ZNF609: variants seen among roughly 807,000 people sequenced by gnomAD.
ZNF609 encodes zinc finger protein 609.
A neutral mutation model predicts 109.5 loss-of-function variants in ZNF609; 11 were observed. The ratio of observed to expected loss-of-function variants is 0.10; its 90% CI spans 0.06 to 0.17. The LOEUF (loss-of-function observed/expected upper bound fraction) is 0.17, where lower values mean the gene tolerates loss of function less well. Ranked by LOEUF, ZNF609 falls within the 10% of genes least tolerant of loss-of-function variation. The probability of loss-of-function intolerance (pLI) is 1.00; values close to 1 mark genes in which losing one functional copy is unlikely to be tolerated. For missense variants in ZNF609, 1,559 were observed against 1,772.4 expected (o/e 0.88, Z 2.16); for synonymous variants, 646 against 662.0 (o/e 0.98, Z 0.37).
chr15:64,465,403 C>T (rs1375332723), intron 1 of ZNF609, among the ~76,000 whole-genome samples: 4 of 152,008 alleles, frequency 2.6e-5, no homozygotes, highest in South Asian at 2.1e-4. Flanking sequence ...TTTTTTGAGA[C>T]GGAGTTTCGC....
At chr15:64,593,193 A>G (rs1341100783) in intron 2 of ZNF609, 2 of 1,529,230 alleles carry the variant, frequency 1.3e-6, no homozygotes, top group Non-Finnish European at 1.8e-6. Context: ...GTGAAGCTGC[A>G]TTACTGTGTG....
At chr15:64,551,985 CAAAAA>C (rs35698512) in intron 2 of ZNF609, among the ~76,000 whole-genome samples, 1 of 93,424 alleles carries the variant, frequency 1.1e-5, no homozygotes. Context: ...GACTCTGTCT[CAAAAA>C]AAAAAAAAAA....
chr15:64,550,645 G>A (rs1406844895), intron 2 of ZNF609, among the ~76,000 whole-genome samples: 1 of 152,030 alleles, frequency 6.6e-6, no homozygotes, highest in East Asian at 1.9e-4. Context: ...TCACCAGCCT[G>A]ACCAACATGA....
intron 1 of ZNF609, among the ~76,000 whole-genome samples, chr15:64,494,375 A>G (rs1238848082): frequency 1.3e-5 from 2 of 152,182 alleles, no homozygotes; most frequent in East Asian, 1.9e-4. Flanking sequence ...TAAAATAGAC[A>G]TTAAACATTG....
chr15:64,599,725 G>A (rs1353596769), intron 2 of ZNF609, among the ~76,000 whole-genome samples: 1 of 151,930 alleles, frequency 6.6e-6, no homozygotes, highest in Non-Finnish European at 1.5e-5. Context: ...TTCCTCAGTG[G>A]CTTCTTAATA....
At chr15:64,643,545 G>T (rs980247322) in intron 3 of ZNF609, among the ~76,000 whole-genome samples, 1 of 152,062 alleles carries the variant, frequency 6.6e-6, no homozygotes, top group African/African-American at 2.4e-5. Context: ...TGGTTAAAAG[G>T]ACCTTTGGCC....
At chr15:64,667,566 G>C (rs954565671) in intron 3 of ZNF609, among the ~76,000 whole-genome samples, 1 of 151,892 alleles carries the variant, frequency 6.6e-6, no homozygotes, top group Non-Finnish European at 1.5e-5. Context: ...TACAAAATTA[G>C]CCCGGGCATG....
At chr15:64,467,176 C>T (rs1243145893) in intron 1 of ZNF609, among the ~76,000 whole-genome samples, 3 of 152,214 alleles carry the variant, frequency 2.0e-5, no homozygotes, top group African/African-American at 7.2e-5. Flanking sequence ...TCTCTTGTCT[C>T]TGTGAGAAAT....
At chr15:64,603,734 C>T (rs187615712) in intron 2 of ZNF609, among the ~76,000 whole-genome samples, 1 of 152,034 alleles carries the variant, frequency 6.6e-6, no homozygotes, top group East Asian at 1.9e-4. Context: ...AGCGTGGTGG[C>T]TCACGCCTGT....
At chr15:64,490,501 C>T (rs1209967379) in intron 1 of ZNF609, among the ~76,000 whole-genome samples, 7 of 151,776 alleles carry the variant, frequency 4.6e-5, no homozygotes, top group Admixed American at 3.9e-4. Context: ...CTCGAACTCC[C>T]GACCTCAGGT....
intron 2 of ZNF609, among the ~76,000 whole-genome samples, chr15:64,518,459 A>G (rs1326706237): frequency 1.3e-5 from 2 of 152,232 alleles, no homozygotes; most frequent in Non-Finnish European, 2.9e-5. Flanking sequence ...CTATGGGGTC[A>G]GATAGTAGAA....
At chr15:64,477,659 C>T (rs1408795911) in intron 1 of ZNF609, among the ~76,000 whole-genome samples, 14 of 142,812 alleles carry the variant, frequency 9.8e-5, no homozygotes, top group Non-Finnish European at 1.4e-4. Flanking sequence ...AACAGAGTCT[C>T]GCTCTGTCAC....
At chr15:64,640,397 C>CTT (rs113778164) in intron 3 of ZNF609, among the ~76,000 whole-genome samples, 3 of 144,176 alleles carry the variant, frequency 2.1e-5, no homozygotes, top group Non-Finnish European at 3.1e-5. Flanking sequence ...CTTGTGCTTT[C>CTT]TTTTTTTTTT....
At chr15:64,539,440 C>A (rs568559524) in intron 2 of ZNF609, among the ~76,000 whole-genome samples, 3 of 151,836 alleles carry the variant, frequency 2.0e-5, no homozygotes, top group African/African-American at 7.3e-5. Flanking sequence ...ATCTCCTGAC[C>A]GCGTGATCCA....
chr15:64,668,678 G>T (rs1896684162), intron 3 of ZNF609, among the ~76,000 whole-genome samples: 1 of 152,114 alleles, frequency 6.6e-6, no homozygotes, highest in Admixed American at 6.6e-5. Context: ...TGCCAGCCAG[G>T]TGCGGTGGCT....
At chr15:64,575,573 C>T (rs1269996120) in intron 2 of ZNF609, among the ~76,000 whole-genome samples, 1 of 152,222 alleles carries the variant, frequency 6.6e-6, no homozygotes, top group East Asian at 1.9e-4. Context: ...GGGAGGTCAA[C>T]GTATTTATTT....
At chr15:64,472,192 C>T (rs1005593757) in intron 1 of ZNF609, among the ~76,000 whole-genome samples, 3 of 152,102 alleles carry the variant, frequency 2.0e-5, no homozygotes, top group African/African-American at 4.8e-5. Flanking sequence ...GGATTACAGC[C>T]GTGAGCCACC....
At chr15:64,587,098 A>T (rs1334115645) in intron 2 of ZNF609, among the ~76,000 whole-genome samples, 2 of 152,264 alleles carry the variant, frequency 1.3e-5, no homozygotes, top group East Asian at 3.8e-4. Context: ...TACTCTACAG[A>T]ACAGGAAATG....
At chr15:64,515,338 C>T (rs1893790698) in intron 2 of ZNF609, among the ~76,000 whole-genome samples, 1 of 152,128 alleles carries the variant, frequency 6.6e-6, no homozygotes. Flanking sequence ...TTGCAATTGC[C>T]CTGGAGGACT....
Sources: allele counts gnomAD v4.1 joint callset (sites outside exome capture counted in the v4.1 genomes callset), GRCh38; gene constraint gnomAD v4.1.1; transcripts MANE v1.5; gene names NCBI Gene and HGNC (gene_info 2026-07-23, HGNC 2026-07-21).